Variants in NLRP7 observed in about 807,000 individuals in gnomAD.
NLRP7 encodes NLR family pyrin domain containing 7.
In NLRP7, 72 loss-of-function variants were observed where a neutral mutation model predicts 85.5. The observed-to-expected ratio is 0.84, with a 90% confidence interval of 0.70 to 1.02. NLRP7 has a LOEUF of 1.02. Ranked by LOEUF, NLRP7 falls within the 50% of genes least tolerant of loss-of-function variation. NLRP7 has a pLI of 0.00. For missense variants in NLRP7, 1,243 were observed against 1,219.5 expected (o/e 1.02, Z -0.29); for synonymous variants, 550 against 505.2 (o/e 1.09, Z -1.19).
exon 4 of NLRP7, chr19:54,940,413 T>C: frequency 6.2e-7 from 1 of 1,614,116 alleles, no homozygotes; most frequent in Non-Finnish European, 8.5e-7. Flanking sequence ...CAAAAGGTGT[T>C]CTTCCAGACC....
Position 54,928,697 on chromosome 19 carries a change from G to A in NLRP7, c.2810+1802C>T, listed in dbSNP as rs187614686. Among the ~76,000 whole-genome samples the A allele has an allele frequency of 2.9e-3, 441 of 152,234 alleles. 6 individuals carry two copies. The highest frequency in any genetic ancestry group is 3.3e-3 in the Non-Finnish European group (222 of 68,016). ...GAACCAGCATGCTAACTGGGGGAGGGAATCTTGTAAATAAAATACTGAGCT... is the reference window on the plus strand; with the variant it reads ...GAACCAGCATGCTAACTGGGGGAGGAAATCTTGTAAATAAAATACTGAGCT... On this transcript the variant is annotated intron_variant, in intron 9 of 9. Transcript: ENST00000340844.
chr19:54,958,816 G>A (rs1018010362), intron 1 of NLRP7, among the ~76,000 whole-genome samples: 6 of 152,226 alleles, frequency 3.9e-5, no homozygotes, highest in East Asian at 1.9e-4. Flanking sequence ...CAAGCTCCTC[G>A]AGTGCACAGT....
intron 9 of NLRP7, among the ~76,000 whole-genome samples, chr19:54,927,152 G>A (rs941462082): frequency 2.6e-5 from 4 of 151,350 alleles, no homozygotes; most frequent in African/African-American, 9.7e-5. Context: ...ACTTTGGGAG[G>A]CCGAGGCAGG....
chr19:54,963,595 G>A (rs1440668166), intron 1 of NLRP7, among the ~76,000 whole-genome samples: 3 of 151,982 alleles, frequency 2.0e-5, no homozygotes, highest in Non-Finnish European at 4.4e-5. Flanking sequence ...AGGCCGAGGT[G>A]AGCAGATTAC....
At chr19:54,956,029 A>G (rs1216373852) in intron 1 of NLRP7, among the ~76,000 whole-genome samples, 1 of 152,050 alleles carries the variant, frequency 6.6e-6, no homozygotes, top group African/African-American at 2.4e-5. Context: ...AGTCCCAGCT[A>G]CTCAGGAGGC....
chr19:54,925,996 C>T (rs1218367811), intron 9 of NLRP7, among the ~76,000 whole-genome samples: 2 of 150,794 alleles, frequency 1.3e-5, no homozygotes, highest in Non-Finnish European at 3.0e-5. Context: ...ACTGGAGTCT[C>T]TGTCTCAAAA....
Position 54,941,757 on chromosome 19 carries a change from G to C in NLRP7, c.-39-7C>G. 1.3e-6 allele frequency: 2 copies of C among 1,576,496 alleles called. No individual in the cohort carries two copies. Among genetic ancestry groups the C allele is most frequent in the Non-Finnish European group, 1.7e-6 (2 of 1,166,296 alleles). ...TTAGGTTAAGGCTGAAGAACTGGGG[G>C]GAAAAAAGGAAAAACAGTTCACGAG... On this transcript the variant is annotated splice_polypyrimidine_tract_variant and splice_region_variant and intron_variant, in intron 1 of 9. Coordinates refer to ENST00000340844, the Ensembl canonical transcript of NLRP7.
At chr19:54,941,913 C>T (rs924493973) in intron 1 of NLRP7, among the ~76,000 whole-genome samples, 163 bp from the exon 2 acceptor site, 2 of 152,110 alleles carry the variant, frequency 1.3e-5, no homozygotes, top group African/African-American at 4.8e-5. Flanking sequence ...CGGTGGCTCA[C>T]GCCTGCGGCC....
At chr19:54,933,619 C>A (rs1467577492) in exon 8 of NLRP7, 25 of 1,614,096 alleles carry the variant, frequency 1.5e-5, no homozygotes, top group Non-Finnish European at 2.0e-5. Flanking sequence ...CACACAGAAA[C>A]TTCACCCCTG....
chr19:54,930,033 A>G (rs561880211), intron 9 of NLRP7, among the ~76,000 whole-genome samples: 1 of 149,922 alleles, frequency 6.7e-6, no homozygotes, highest in East Asian at 2.0e-4. Flanking sequence ...GAGAATAGCG[A>G]GAACCCGGGA....
exon 4 of NLRP7, chr19:54,939,755 G>A (rs2069129357): frequency 6.2e-7 from 1 of 1,613,582 alleles, no homozygotes; most frequent in South Asian, 1.1e-5. Context: ...CTGGAACAGG[G>A]CCGCGTTGCT....
chr19:54,964,425 C>T (rs1254545243), intron 1 of NLRP7, among the ~76,000 whole-genome samples: 1 of 150,882 alleles, frequency 6.6e-6, no homozygotes, highest in Admixed American at 6.6e-5. Context: ...ACCGTGTTAG[C>T]CAGGATGGTC....
exon 4 of NLRP7, chr19:54,939,484 G>C: frequency 6.2e-7 from 1 of 1,613,868 alleles, no homozygotes; most frequent in Non-Finnish European, 8.5e-7. Context: ...GGAACAGACG[G>C]AGGTCGGACT....
Position 54,939,702 on chromosome 19 carries a change from G to A in NLRP7, c.1117C>T (p.Leu373=), listed in dbSNP as rs1437287875. ...TCCCCCTTCTCCATCTGCAGCTTCA[G>A]AGTCGTGCACACAATCCAGCACACC... The change falls in exon 4 of 10, where the codon CTG becomes TTG. Residue 373 remains leucine (L), a synonymous_variant. Coordinates refer to ENST00000340844, the Ensembl canonical transcript of NLRP7. 5.0e-6 allele frequency: 8 copies of A among 1,613,520 alleles called. No homozygotes were observed. The South Asian group carries it at 8.8e-5, about 18-fold the overall frequency.
chr19:54,960,387 C>A (rs899376395), intron 1 of NLRP7, among the ~76,000 whole-genome samples: 2 of 151,724 alleles, frequency 1.3e-5, no homozygotes, highest in East Asian at 3.9e-4. Flanking sequence ...AGCTCCTGAC[C>A]TCAAGTGATC....
upstream of NLRP7, among the ~76,000 whole-genome samples, chr19:54,949,426 A>G (rs558143583): frequency 6.6e-6 from 1 of 152,128 alleles, no homozygotes; most frequent in Admixed American, 6.6e-5. Context: ...AAAAGAAAAT[A>G]AAAACAATAA....
chr19:54,958,163 C>G (rs771847912), intron 1 of NLRP7, among the ~76,000 whole-genome samples: 1 of 151,836 alleles, frequency 6.6e-6, no homozygotes, highest in African/African-American at 2.4e-5. Context: ...GAGGCACTTG[C>G]TATCTCCAGG....
At chr19:54,964,175 G>A (rs1230583021) in intron 1 of NLRP7, among the ~76,000 whole-genome samples, 5 of 142,928 alleles carry the variant, frequency 3.5e-5, no homozygotes, top group South Asian at 2.3e-4. Flanking sequence ...CACCGCGCCC[G>A]GCCAAAACCC....
intron 1 of NLRP7, among the ~76,000 whole-genome samples, chr19:54,954,872 T>C (rs113990951): frequency 0.013 from 2,049 of 151,904 alleles, 53 homozygotes; most frequent in African/African-American, 0.047. Flanking sequence ...TAAGGGCAAC[T>C]AGCAGCCCTA....
Sources: allele counts gnomAD v4.1 joint callset (sites outside exome capture counted in the v4.1 genomes callset), GRCh38; gene constraint gnomAD v4.1.1; transcripts MANE v1.5; gene names NCBI Gene and HGNC (gene_info 2026-07-23, HGNC 2026-07-21).